ZFAND2A: variants seen among roughly 807,000 people sequenced by gnomAD.
ZFAND2A encodes zinc finger AN1-type containing 2A.
ZFAND2A carries 20 observed loss-of-function variants against 11.6 expected under a neutral mutation model. The observed-to-expected ratio is 1.72, with a 90% CI of 1.21 to 2.50. ZFAND2A has a LOEUF of 2.50. ZFAND2A is among the 30% of genes most tolerant of loss of function. The pLI is 0.00. For synonymous variants in ZFAND2A, 93 were observed against 60.6 expected, an observed-to-expected ratio of 1.54 and a Z score of -2.48; for missense variants, 234 against 182.9, an observed-to-expected ratio of 1.28 and a Z score of -1.61.
intron 1 of ZFAND2A, among the ~76,000 whole-genome samples, chr7:1,159,520 C>T (rs1326212464): frequency 2.1e-5 from 3 of 140,236 alleles, no homozygotes; most frequent in Non-Finnish European, 3.1e-5. Context: ...AGCAGACAGC[C>T]GGACCCCCAA....
chr7:1,155,014 A>C (rs559132448), intron 4 of ZFAND2A, among the ~76,000 whole-genome samples: 4 of 152,356 alleles, frequency 2.6e-5, no homozygotes, highest in African/African-American at 9.6e-5. Context: ...GCTACTCGGG[A>C]GGCTGAGACA....
rs1393339337 is a variant in ZFAND2A at position 1,158,176 on chromosome 7, T to C, written c.37A>G (p.Lys13Glu). The change falls in exon 2 of 5, where the codon AAG becomes GAG. Residue 13 changes from lysine (K) to glutamate (E), a missense_variant. By Grantham distance (56) the Lys-to-Glu change is moderately conservative (BLOSUM62 1). Coordinates refer to ENST00000316495, the MANE Select transcript of ZFAND2A (RefSeq NM_182491.4). Reference sequence around the variant, plus strand: ...TACTCACCTAGCTGCTTGCAAGTCTTTTCTGAACAATGCTTCCCCAAATCA... The same window carrying C: ...TACTCACCTAGCTGCTTGCAAGTCTCTTCTGAACAATGCTTCCCCAAATCA... ...FPDLGKHCSE[K>E]TCKQLDFLPV... 1.9e-6 allele frequency: 3 copies of C among 1,614,178 alleles called. No individual in the cohort carries two copies. The highest frequency in any genetic ancestry group is 1.7e-6 in the Non-Finnish European group (2 of 1,180,020).
Position 1,155,045 on chromosome 7 carries a change from G to A in ZFAND2A, c.282+408C>T, listed in dbSNP as rs201126030. 6.6e-5 allele frequency among the ~76,000 whole-genome samples: 10 copies of A among 152,330 alleles called. No individual in the cohort carries two copies. The East Asian group carries it at 1.9e-3, about 29-fold the overall frequency. Reference sequence around the variant, plus strand: ...AGACAGGAGAATCGCTTTAACCCGGGAGGCAGAGGTTGCAATGAGCCGAGA... The same window carrying A: ...AGACAGGAGAATCGCTTTAACCCGGAAGGCAGAGGTTGCAATGAGCCGAGA... On this transcript the variant is annotated intron_variant, in intron 4 of 4. Transcript: ENST00000316495.
At chr7:1,152,493 G>A (rs1793418309), downstream of ZFAND2A, 3 of 998,276 alleles carry the variant, frequency 3.0e-6, no homozygotes, top group Non-Finnish European at 4.3e-6. Flanking sequence ...AAATACAGAT[G>A]CTTCTCGATT....
chr7:1,158,802 G>A (rs1254554018), intron 1 of ZFAND2A, among the ~76,000 whole-genome samples: 2 of 152,156 alleles, frequency 1.3e-5, no homozygotes, highest in South Asian at 2.1e-4. Context: ...AAAACAGGCA[G>A]ACAGCTGGTG....
At position 1,155,439 on chromosome 7, in the gene ZFAND2A, G is replaced by GGCTCT. The variant is rs1415516049; in HGVS notation, c.282+9_282+13dup. Reference sequence around the variant, plus strand: ...CTTCCCAGATGAAGGAACTGAGGCGGGCTCTGTCCTTACCTTCTCTTTCTT... The same window carrying GGCTCT: ...CTTCCCAGATGAAGGAACTGAGGCGGGCTCTGCTCTGTCCTTACCTTCTCTTTCTT... On this transcript the variant is annotated intron_variant, in intron 4 of 4. Coordinates refer to ENST00000316495, the MANE Select transcript of ZFAND2A (RefSeq NM_182491.4). 6.2e-7 allele frequency: 1 copy of GGCTCT among 1,609,272 alleles called. No individual in the cohort carries two copies.
chr7:1,152,326 G>C (rs143994065), downstream of ZFAND2A: 4 of 1,577,482 alleles, frequency 2.5e-6, no homozygotes, highest in Non-Finnish European at 2.6e-6. Flanking sequence ...TGGATTCAGA[G>C]ACTGTCATGG....
rs759370237 is a variant in ZFAND2A at position 1,155,474 on chromosome 7, G to A, written c.261C>T (p.His87=). ...GDHIDRDCDS[H]PGKKKEKIFT... ...TTACCTTCTCTTTCTTCTTCCCAGG[G>A]TGAGAGTCACAGTCTCTGTCAATGT... Residue 87 remains histidine, a synonymous_variant, in exon 4 of 5, where the codon CAC becomes CAT. Transcript: ENST00000316495. The A allele has an allele frequency of 1.2e-6, 2 of 1,613,770 alleles. No homozygotes were observed. The highest frequency in any genetic ancestry group is 2.2e-5 in the East Asian group (1 of 44,860).
rs752645129 is a variant in ZFAND2A, at chr7:1,153,024, A to G, written c.*45T>C. On this transcript the variant is annotated 3_prime_UTR_variant, in exon 5 of 5. Coordinates refer to ENST00000316495, the MANE Select transcript of ZFAND2A (RefSeq NM_182491.4). ...TCCCACTAGAGTGTAAGCTGCTTCC[A>G]CGCATGCTACTGCGTGCTCCGAGCC... 5 of 1,612,342 alleles carry G rather than the reference A, an allele frequency of 3.1e-6. No homozygotes were observed. The highest frequency in any genetic ancestry group is 1.1e-5 in the South Asian group (1 of 90,748).
downstream of ZFAND2A, among the ~76,000 whole-genome samples, chr7:1,152,543 A>G (rs767879533): frequency 5.1e-4 from 78 of 152,176 alleles, 1 homozygote; most frequent in Non-Finnish European, 8.7e-4. Context: ...ATGTCCCCAC[A>G]AGACATGCTG....
At chr7:1,150,762 T>C (rs1793383082), downstream of ZFAND2A, among the ~76,000 whole-genome samples, 1 of 152,194 alleles carries the variant, frequency 6.6e-6, no homozygotes, top group African/African-American at 2.4e-5. Flanking sequence ...TTCTGGAAGT[T>C]TCCACTGCTT....
rs200092475 is a variant in ZFAND2A at position 1,158,203 on chromosome 7, G to A, written c.10C>T (p.Pro4Ser). The A allele has an allele frequency of 3.1e-6, 5 of 1,614,044 alleles. No homozygotes were observed. The East Asian group carries it at 6.7e-5, about 22-fold the overall frequency. MEF[P>S]DLGKHCSEKT... ...TCTGAACAATGCTTCCCCAAATCAGGAAACTCCATTATGAGAACAGTGCTC... is the reference window on the plus strand; with the variant it reads ...TCTGAACAATGCTTCCCCAAATCAGAAAACTCCATTATGAGAACAGTGCTC... Residue 4 changes from proline to serine, a missense_variant, in exon 2 of 5, where the codon CCT becomes TCT. By Grantham distance (74) the Pro-to-Ser change is moderately conservative (BLOSUM62 -1). Transcript: ENST00000316495.
At chr7:1,156,520 G>A (rs1793528019) in intron 3 of ZFAND2A, among the ~76,000 whole-genome samples, 1 of 67,538 alleles carries the variant, frequency 1.5e-5, no homozygotes, top group Non-Finnish European at 2.9e-5. Flanking sequence ...CTGAGCTGGG[G>A]GCTCCGAAGG....
chr7:1,154,138 G>A (rs1209391445), intron 4 of ZFAND2A, among the ~76,000 whole-genome samples: 3 of 151,248 alleles, frequency 2.0e-5, no homozygotes, highest in Admixed American at 2.0e-4. Context: ...AGTGGAGGTT[G>A]TCCCCATCAA....
chr7:1,155,811 G>C, intron 3 of ZFAND2A: 1 of 404,684 alleles, frequency 2.5e-6, no homozygotes, highest in Non-Finnish European at 4.3e-6. Flanking sequence ...TCAACGAATG[G>C]ACTTCAGCCG....
intron 1 of ZFAND2A, among the ~76,000 whole-genome samples, chr7:1,159,033 G>A (rs994324586): frequency 1.3e-5 from 2 of 152,152 alleles, no homozygotes; most frequent in African/African-American, 2.4e-5. Flanking sequence ...TCTCGCCCAT[G>A]GCAAACGTCT....
At chr7:1,149,853 G>GTTT (rs11349429), downstream of ZFAND2A, among the ~76,000 whole-genome samples, 7 of 139,850 alleles carry the variant, frequency 5.0e-5, no homozygotes, top group Non-Finnish European at 6.2e-5. Context: ...TTGTTCTTAA[G>GTTT]TTTTTTTTTT....
downstream of ZFAND2A, among the ~76,000 whole-genome samples, chr7:1,149,371 C>G (rs1346672703): frequency 6.6e-6 from 1 of 152,210 alleles, no homozygotes; most frequent in Non-Finnish European, 1.5e-5. Context: ...AGTGCAGTCC[C>G]AGACCAGACG....
chr7:1,152,822 TGTGAAAGAACC>T, downstream of ZFAND2A: 1 of 633,204 alleles, frequency 1.6e-6, no homozygotes. Context: ...CCCCCAGAAC[TGTGAAAGAACC>T]GATTTCTATG....
Sources: gnomAD v4.1 joint callset for allele counts (sites outside exome capture counted in the v4.1 genomes callset) on GRCh38, gnomAD v4.1.1 for gene constraint, MANE v1.5 for transcripts, NCBI Gene and HGNC (gene_info 2026-07-23, HGNC 2026-07-21) for gene names.